The following TNFAIP8L3 variants were observed in gnomAD, a reference collection of about 807,000 sequenced individuals.
TNFAIP8L3 encodes tumor necrosis factor alpha-induced protein 8-like protein 3.
A neutral mutation model predicts 11.8 loss-of-function variants in TNFAIP8L3; 7 were observed. That is an observed-to-expected ratio of 0.59 (90% CI 0.34 to 1.11). The LOEUF (loss-of-function observed/expected upper bound fraction) is 1.11. TNFAIP8L3 is among the 50% of genes most tolerant of loss of function. The pLI is 0.03. For synonymous variants in TNFAIP8L3, 98 were observed against 103.8 expected, an observed-to-expected ratio of 0.94 and a Z score of 0.34; for missense variants, 219 against 258.6, an observed-to-expected ratio of 0.85 and a Z score of 1.05.
chr15:51,093,937 G>C (rs984063849), intron 1 of TNFAIP8L3, among the ~76,000 whole-genome samples: 1 of 152,194 alleles, frequency 6.6e-6, no homozygotes, highest in Non-Finnish European at 1.5e-5. Context: ...CGGGAGGCGC[G>C]CGCCCCTGCG....
chr15:51,093,679 G>A (rs921213249), intron 1 of TNFAIP8L3, among the ~76,000 whole-genome samples: 3 of 152,132 alleles, frequency 2.0e-5, no homozygotes, highest in African/African-American at 7.2e-5. Context: ...GGGAGCTGTG[G>A]GCACGTGAGG....
chr15:51,075,699 C>T (rs1213428544), intron 1 of TNFAIP8L3, among the ~76,000 whole-genome samples: 1 of 152,196 alleles, frequency 6.6e-6, no homozygotes, highest in African/African-American at 2.4e-5. Context: ...AAATGTCAGT[C>T]TTTGGAATGC....
At chr15:51,071,512 A>T (rs140103220) in intron 1 of TNFAIP8L3, among the ~76,000 whole-genome samples, 2 of 152,362 alleles carry the variant, frequency 1.3e-5, no homozygotes, top group Non-Finnish European at 2.9e-5. Context: ...AGAAGGTGTC[A>T]TACTACACAG....
At position 51,058,438 on chromosome 15, in the gene TNFAIP8L3, C is replaced by G. The variant is rs1380754282; in HGVS notation, c.58G>C (p.Asp20His). 6.6e-7 allele frequency: 1 copy of G among 1,510,316 alleles called. No individual in the cohort carries two copies. Among genetic ancestry groups the G allele is most frequent in the Non-Finnish European group, 8.7e-7 (1 of 1,143,312 alleles). 93.6% of individuals were successfully genotyped at this position (1,510,316 alleles called of 1,614,324 possible). The change falls in exon 2 of 2, where the codon GAT (aspartate) becomes CAT (histidine). Residue 20 changes from aspartate (D) to histidine (H), a missense_variant. Coordinates refer to ENST00000637513, the MANE Select transcript of TNFAIP8L3 (RefSeq NM_001311175.2). ...GCAAGACTCTTTGAACTAAAAACATCAGGACCTATGGTAAAAAAAATATAT... is the reference window on the plus strand; with the variant it reads ...GCAAGACTCTTTGAACTAAAAACATGAGGACCTATGGTAAAAAAAATATAT... ...EGEPVTAAGP[D>H]VFSSKSLALQ...
chr15:51,064,585 G>A (rs944504318), intron 1 of TNFAIP8L3: 1 of 152,198 alleles, frequency 6.6e-6, no homozygotes, highest in Admixed American at 6.5e-5. Flanking sequence ...CTGGTCAACA[G>A]AACACTTTCA....
At chr15:51,085,659 C>A in intron 1 of TNFAIP8L3, among the ~76,000 whole-genome samples, 1 of 147,548 alleles carries the variant, frequency 6.8e-6, no homozygotes, top group South Asian at 2.2e-4. Flanking sequence ...TTGGGGTAAA[C>A]ACAAAGAAGC....
chr15:51,105,062 T>C, exon 1 of TNFAIP8L3: 1 of 1,614,232 alleles, frequency 6.2e-7, no homozygotes, highest in Non-Finnish European at 8.5e-7. Flanking sequence ...GTTTGTAACG[T>C]GGCATCCCTT....
intron 1 of TNFAIP8L3, among the ~76,000 whole-genome samples, chr15:51,070,604 ACT>A (rs1240938237): frequency 6.6e-6 from 1 of 152,086 alleles, no homozygotes; most frequent in East Asian, 1.9e-4. Flanking sequence ...GATTGGGCAG[ACT>A]CTGCCCCAGA....
At chr15:51,102,689 C>T (rs755822099) in intron 1 of TNFAIP8L3, among the ~76,000 whole-genome samples, 1 of 152,158 alleles carries the variant, frequency 6.6e-6, no homozygotes, top group Non-Finnish European at 1.5e-5. Context: ...GGGACCAGAA[C>T]CCATGTCTCT....
At chr15:51,090,000 C>A (rs1288936514) in intron 1 of TNFAIP8L3, among the ~76,000 whole-genome samples, 2 of 152,208 alleles carry the variant, frequency 1.3e-5, no homozygotes, top group Non-Finnish European at 2.9e-5. Context: ...AGGAACCTAG[C>A]AATGAGAATC....
intron 1 of TNFAIP8L3, among the ~76,000 whole-genome samples, chr15:51,087,879 T>C (rs1269862882): frequency 2.1e-5 from 3 of 141,446 alleles, no homozygotes; most frequent in East Asian, 4.0e-4. Flanking sequence ...AAAAAGAACA[T>C]TTCTGATATG....
upstream of TNFAIP8L3, among the ~76,000 whole-genome samples, chr15:51,096,614 G>A (rs1323594397): frequency 6.6e-6 from 1 of 152,108 alleles, no homozygotes; most frequent in Non-Finnish European, 1.5e-5. Flanking sequence ...AGTGGGGGCC[G>A]GGCACGGTGG....
At chr15:51,080,406 C>T (rs2065382659) in intron 1 of TNFAIP8L3, among the ~76,000 whole-genome samples, 1 of 152,096 alleles carries the variant, frequency 6.6e-6, no homozygotes. Context: ...TAATCAACTG[C>T]TTCCACTTTT....
At chr15:51,071,918 TGA>T (rs1221448253) in intron 1 of TNFAIP8L3, among the ~76,000 whole-genome samples, 3 of 152,248 alleles carry the variant, frequency 2.0e-5, no homozygotes, top group Admixed American at 2.0e-4. Context: ...TGATTGCTGG[TGA>T]GAGTCAATGT....
intron 1 of TNFAIP8L3, among the ~76,000 whole-genome samples, chr15:51,067,442 G>A (rs934066360): frequency 2.6e-5 from 4 of 152,166 alleles, no homozygotes; most frequent in Non-Finnish European, 5.9e-5. Context: ...AAGGGTAGCA[G>A]CCTCCACTAG....
rs1444762531 is a variant in TNFAIP8L3 at position 51,058,319 on chromosome 15, C to G, written c.177G>C (p.Glu59Asp). Reference sequence around the variant, plus strand: ...TGTGCTCTTTGGTGACTTTGTAGAGCTCATCAAAGATCTCGCTGCTGGTGT... The same window carrying G: ...TGTGCTCTTTGGTGACTTTGTAGAGGTCATCAAAGATCTCGCTGCTGGTGT... ...IDDTSSEIFD[E>D]LYKVTKEHTH... Residue 59 changes from glutamate to aspartate, a missense_variant, in exon 2 of 2, where the codon GAG becomes GAC. Physicochemically the swap from Glu to Asp is conservative, Grantham distance 45 (BLOSUM62 2). Transcript: ENST00000637513. 1 of 1,614,156 alleles carries G rather than the reference C, an allele frequency of 6.2e-7. No homozygotes were observed. Among genetic ancestry groups the G allele is most frequent in the Non-Finnish European group, 8.5e-7 (1 of 1,180,042 alleles).
chr15:51,104,792 A>T (rs1248811770), intron 1 of TNFAIP8L3, among the ~76,000 whole-genome samples: 1 of 152,188 alleles, frequency 6.6e-6, no homozygotes, highest in Non-Finnish European at 1.5e-5. Flanking sequence ...ATCAATGTTG[A>T]GTAATTTCTG....
intron 1 of TNFAIP8L3, among the ~76,000 whole-genome samples, chr15:51,077,892 G>A (rs2065365983): frequency 6.6e-6 from 1 of 152,076 alleles, no homozygotes; most frequent in African/African-American, 2.4e-5. Context: ...TTTTTTCTCC[G>A]AGAGCTTTCT....
chr15:51,061,229 C>T (rs966463153), intron 1 of TNFAIP8L3, among the ~76,000 whole-genome samples: 1 of 152,184 alleles, frequency 6.6e-6, no homozygotes, highest in African/African-American at 2.4e-5. Context: ...TGGCCTTGAA[C>T]TCCAGGGCTC....
Sources: gnomAD v4.1 joint callset for allele counts (sites outside exome capture counted in the v4.1 genomes callset) on GRCh38, gnomAD v4.1.1 for gene constraint, MANE v1.5 for transcripts, NCBI Gene and HGNC (gene_info 2026-07-23, HGNC 2026-07-21) for gene names.